The following GGACT variants were observed in gnomAD, a reference collection of about 807,000 sequenced individuals.
The protein encoded by GGACT is gamma-glutamylaminecyclotransferase.
For synonymous variants in GGACT, 118 were observed against 115.3 expected (o/e 1.02, Z -0.15); for missense variants, 241 against 233.2 (o/e 1.03, Z -0.22).
At chr13:100,571,216 G>C (rs78745473) in intron 2 of GGACT, among the ~76,000 whole-genome samples, 2,150 of 152,306 alleles carry the variant, frequency 0.014, 53 homozygotes, top group African/African-American at 0.049. Flanking sequence ...GCACACTTTT[G>C]TAAGTAGGGA....
In GGACT at chr13:100,530,295, C is replaced by T; in HGVS notation, c.*1835G>A. On this transcript the variant is annotated 3_prime_UTR_variant, in exon 3 of 3. Coordinates refer to ENST00000683975, the MANE Select transcript of GGACT (RefSeq NM_001195087.2). Reference sequence around the variant, plus strand: ...TACGTTTACGTCGTCATTTATTCCACAGAGTCAAGACCAATATTCTGCCAA... The same window carrying T: ...TACGTTTACGTCGTCATTTATTCCATAGAGTCAAGACCAATATTCTGCCAA... The T allele has an allele frequency of 1.3e-6, 1 of 784,530 alleles. No individual in the cohort carries two copies. The highest frequency in any genetic ancestry group is 2.2e-6 in the Non-Finnish European group (1 of 448,988). 48.6% of individuals were successfully genotyped at this position (784,530 alleles called of 1,614,324 possible).
intron 2 of GGACT, among the ~76,000 whole-genome samples, chr13:100,561,998 G>A (rs548545537): frequency 3.1e-4 from 47 of 152,202 alleles, no homozygotes; most frequent in Non-Finnish European, 5.7e-4. Context: ...TGCCCCGGAG[G>A]AGGCTGTGCC....
At position 100,566,796 on chromosome 13, in the gene GGACT, G is replaced by C. The variant is rs376279210; in HGVS notation, c.-11+17029C>G. Among the ~76,000 whole-genome samples the C allele has an allele frequency of 1.4e-3, 219 of 152,350 alleles. 1 individual carries two copies. Among genetic ancestry groups the C allele is most frequent in the African/African-American group, 5.0e-3 (206 of 41,588 alleles). ...CTGTGACATCAGGGCATCAGCATTT[G>C]TGACTAAGTTTACCACCTTCTCGCA... On this transcript the variant is annotated intron_variant, in intron 2 of 2. Transcript: ENST00000683975.
intron 2 of GGACT, among the ~76,000 whole-genome samples, chr13:100,561,090 C>T (rs527642270): frequency 4.6e-5 from 7 of 152,312 alleles, no homozygotes; most frequent in Non-Finnish European, 8.8e-5. Flanking sequence ...CTTGTGGCTA[C>T]GCCCTCCTAA....
At position 100,559,098 on chromosome 13, in the gene GGACT, G is replaced by A. The variant is rs193274555; in HGVS notation, c.-11+24727C>T. 1.7e-3 allele frequency among the ~76,000 whole-genome samples: 256 copies of A among 152,268 alleles called. 1 individual carries two copies. Among genetic ancestry groups the A allele is most frequent in the Non-Finnish European group, 3.1e-3 (213 of 68,020 alleles). On this transcript the variant is annotated intron_variant, in intron 2 of 2. Transcript: ENST00000683975. ...CCACGGTGATCCATTTTATGAGTCA[G>A]AGCACAGCTCTGATGATGGTAAATG...
chr13:100,536,435 T>A (rs1401827015), intron 2 of GGACT: 1 of 152,008 alleles, frequency 6.6e-6, no homozygotes, highest in Non-Finnish European at 1.5e-5. Flanking sequence ...ATATTCTGCT[T>A]TATCTTGCAT....
chr13:100,572,343 T>A (rs138696705), intron 2 of GGACT, among the ~76,000 whole-genome samples: 1 of 151,924 alleles, frequency 6.6e-6, no homozygotes, highest in Admixed American at 6.6e-5. Flanking sequence ...ATACCTAGAG[T>A]AGTCAAATTC....
chr13:100,583,756 A>G (rs1222023331), intron 2 of GGACT, 69 bp downstream of exon 2: 1 of 152,248 alleles, frequency 6.6e-6, no homozygotes, highest in African/African-American at 2.4e-5. Context: ...ACTATTTGTC[A>G]GCATACTTCT....
chr13:100,550,325 CACACACACACACACACACACACACACA>C, intron 2 of GGACT, among the ~76,000 whole-genome samples: 1 of 143,936 alleles, frequency 6.9e-6, no homozygotes, highest in Admixed American at 6.8e-5. Context: ...CACACACACA[CACACACACACACACACACACACACACA>C]CACCACTGGC....
rs1566532455 is a variant in GGACT at position 100,550,333 on chromosome 13, CA to C, written c.-10-17733del. Among the ~76,000 whole-genome samples, 42 of 135,298 alleles carry C rather than the reference CA, an allele frequency of 3.1e-4. 5 individuals carry two copies. Among genetic ancestry groups the C allele is most frequent in the African/African-American group, 8.2e-4 (30 of 36,452 alleles). 88.8% of individuals were successfully genotyped at this position (135,298 alleles called of 152,430 possible). The stretch of plus-strand genomic sequence containing the variant: ...ACACACACACACACACACACACACA[CA>C]CACACACACACACACACACACCACT... On this transcript the variant is annotated intron_variant, in intron 2 of 2. Transcript: ENST00000683975.
chr13:100,585,822 CAA>C (rs550006144), intron 1 of GGACT, among the ~76,000 whole-genome samples: 79 of 29,520 alleles, frequency 2.7e-3, no homozygotes, highest in African/African-American at 4.7e-3. Flanking sequence ...CTGTCTCCAC[CAA>C]AAAAAAAAAA....
rs2088595765 is a variant in GGACT, at chr13:100,545,402, C to T, written c.-10-12801G>A. On this transcript the variant is annotated intron_variant, in intron 2 of 2. Transcript: ENST00000683975. This position sits in a 1 kb window ranked among gnomAD's most constrained non-coding sequence, Gnocchi z 4.4. The stretch of plus-strand genomic sequence containing the variant: ...AGCCTTCACGTCCCTTCCTGACCTC[C>T]TTCCTGACCTCCACGTCCCAGGGCC... 6.6e-6 allele frequency among the ~76,000 whole-genome samples: 1 copy of T among 152,152 alleles called. No homozygotes were observed. The highest frequency in any genetic ancestry group is 6.5e-5 in the Admixed American group (1 of 15,288).
chr13:100,581,870 C>T (rs1016144261), intron 2 of GGACT, among the ~76,000 whole-genome samples: 2 of 152,190 alleles, frequency 1.3e-5, no homozygotes, highest in African/African-American at 4.8e-5. Context: ...TCCCCACACC[C>T]CTGTGGCAGT....
chr13:100,549,795 G>A (rs546091733), intron 2 of GGACT, among the ~76,000 whole-genome samples: 5 of 152,298 alleles, frequency 3.3e-5, no homozygotes, highest in South Asian at 4.1e-4. Context: ...CATTGCTTAC[G>A]TCAGTGCACC....
intron 2 of GGACT, among the ~76,000 whole-genome samples, chr13:100,548,336 T>C (rs1377598293): frequency 6.6e-6 from 1 of 152,254 alleles, no homozygotes; most frequent in African/African-American, 2.4e-5. Flanking sequence ...TTGATGAACA[T>C]AGTTTTATAT....
intron 2 of GGACT, among the ~76,000 whole-genome samples, chr13:100,543,760 G>C (rs963364972): frequency 6.6e-6 from 1 of 152,218 alleles, no homozygotes; most frequent in South Asian, 2.1e-4. Flanking sequence ...TGCCAGAGGG[G>C]CTCTGCCACT....
intron 2 of GGACT, among the ~76,000 whole-genome samples, chr13:100,554,664 G>A (rs892004948): frequency 1.3e-5 from 2 of 152,110 alleles, no homozygotes; most frequent in Non-Finnish European, 2.9e-5. Context: ...GAAGTATCTA[G>A]CATTTGAAAA....
At chr13:100,536,577 C>T (rs1397797026) in intron 2 of GGACT, 1 of 151,520 alleles carries the variant, frequency 6.6e-6, no homozygotes, top group Non-Finnish European at 1.5e-5. Flanking sequence ...TCTTCATTCC[C>T]TTCATTGCCT....
At position 100,532,283 on chromosome 13, in the gene GGACT, CG is replaced by C; in HGVS notation, c.308del (p.Pro103ArgfsTer99). On this transcript the variant is annotated frameshift_variant, in exon 3 of 3. Coordinates refer to ENST00000683975, the MANE Select transcript of GGACT (RefSeq NM_001195087.2). LOFTEE classifies it low-confidence loss of function (END_TRUNC). ...LRVQLLEDRA[P>X]GAEEPPAPTA... ...TGGGCGCTGGCGGCTCCTCTGCGCC[CG>C]GGGCCCGGTCCTCCAGCAGCTGTAC... 1.3e-6 allele frequency: 2 copies of C among 1,538,232 alleles called. No homozygotes were observed. The highest frequency in any genetic ancestry group is 1.8e-6 in the Non-Finnish European group (2 of 1,137,572).
Sources: allele counts gnomAD v4.1 joint callset (sites outside exome capture counted in the v4.1 genomes callset), GRCh38; gene constraint gnomAD v4.1.1; non-coding constraint Gnocchi (gnomAD v3.1); transcripts MANE v1.5; gene names NCBI Gene and HGNC (gene_info 2026-07-23, HGNC 2026-07-21).